CNTN5: variants seen among roughly 807,000 people sequenced by gnomAD.
CNTN5 encodes the protein contactin 5.
In CNTN5, 77 loss-of-function variants were observed where a neutral mutation model predicts 129.1. The observed-to-expected ratio is 0.60, with a 90% confidence interval of 0.50 to 0.72. The LOEUF is 0.72. Ranked by LOEUF, CNTN5 falls within the 30% of genes least tolerant of loss-of-function variation. The probability of loss-of-function intolerance (pLI) is 0.00; values close to 1 mark genes in which losing one functional copy is unlikely to be tolerated. For synonymous variants in CNTN5, 509 were observed against 465.6 expected, an observed-to-expected ratio of 1.09 and a Z score of -1.20; for missense variants, 1,478 against 1,328.8, an observed-to-expected ratio of 1.11 and a Z score of -1.75.
At chr11:99,866,431 A>G (rs752688727) in intron 6 of CNTN5, among the ~76,000 whole-genome samples, 1 of 152,166 alleles carries the variant, frequency 6.6e-6, no homozygotes, top group Non-Finnish European at 1.5e-5. Context: ...TTGCAATACA[A>G]TCTGCAAGAA....
intron 1 of CNTN5, among the ~76,000 whole-genome samples, chr11:99,189,377 A>G (rs1341073368): frequency 6.6e-6 from 1 of 151,672 alleles, no homozygotes; most frequent in Non-Finnish European, 1.5e-5. Context: ...TGTCTTCAAC[A>G]TAATGATTTA....
At position 99,898,414 on chromosome 11, in the gene CNTN5, A is replaced by G. The variant is rs776127825; in HGVS notation, c.578-17640A>G. Reference sequence around the variant, plus strand: ...GATACCAGAAAAACAAAAAAAGATCATCAGAGACTAGTATGATCACCTTGA... The same window carrying G: ...GATACCAGAAAAACAAAAAAAGATCGTCAGAGACTAGTATGATCACCTTGA... On this transcript the variant is annotated intron_variant, in intron 6 of 24. Transcript: ENST00000524871. 7.2e-5 allele frequency among the ~76,000 whole-genome samples: 11 copies of G among 152,146 alleles called. No individual in the cohort carries two copies. The South Asian group carries it at 1.7e-3, about 23-fold the overall frequency.
At chr11:99,484,102 A>G (rs1945712043) in intron 2 of CNTN5, among the ~76,000 whole-genome samples, 1 of 152,206 alleles carries the variant, frequency 6.6e-6, no homozygotes, top group Non-Finnish European at 1.5e-5. Flanking sequence ...GGAAACGGTC[A>G]ATAGAATGAA....
chr11:100,316,147 G>C (rs1029366304), intron 21 of CNTN5, among the ~76,000 whole-genome samples: 2 of 152,310 alleles, frequency 1.3e-5, no homozygotes, highest in Non-Finnish European at 1.5e-5. Context: ...CAAATTCAGA[G>C]AAGATGCCAG....
chr11:100,080,119 T>A lies in CNTN5; in HGVS notation c.1580+5825T>A, dbSNP rs149871696. ...TGTTGTTGAACCTCATAGAATGTCATATATGTTTAAAATTATTCACAATTA... is the reference window on the plus strand; with the variant it reads ...TGTTGTTGAACCTCATAGAATGTCAAATATGTTTAAAATTATTCACAATTA... On this transcript the variant is annotated intron_variant, in intron 13 of 24. Coordinates refer to ENST00000524871, the MANE Select transcript of CNTN5 (RefSeq NM_014361.4). Among the ~76,000 whole-genome samples the A allele has an allele frequency of 9.2e-3, 1,400 of 152,312 alleles. 12 individuals are homozygous for A. Among genetic ancestry groups the A allele is most frequent in the South Asian group, 0.013 (63 of 4,832 alleles).
At chr11:99,720,279 A>G (rs917535744) in intron 3 of CNTN5, among the ~76,000 whole-genome samples, 2 of 152,166 alleles carry the variant, frequency 1.3e-5, no homozygotes, top group Admixed American at 1.3e-4. Flanking sequence ...AAAATCCTCA[A>G]CAAAATACTT....
chr11:99,551,934 G>C (rs181747724), intron 2 of CNTN5, among the ~76,000 whole-genome samples: 2 of 147,882 alleles, frequency 1.4e-5, no homozygotes, highest in Admixed American at 1.4e-4. Flanking sequence ...TTGAGACAGA[G>C]TCTCACTCCA....
intron 3 of CNTN5, among the ~76,000 whole-genome samples, chr11:99,580,041 G>GC (rs934311793): frequency 0.013 from 23 of 1,758 alleles, no homozygotes; most frequent in Non-Finnish European, 0.021. Flanking sequence ...TTAGCATGAA[G>GC]GTTGTTGAAT....
intron 1 of CNTN5, among the ~76,000 whole-genome samples, chr11:99,277,959 A>G (rs756303309): frequency 1.3e-4 from 20 of 151,740 alleles, no homozygotes; most frequent in Non-Finnish European, 2.7e-4. Flanking sequence ...GGAAGTTCTG[A>G]TTATTGAGGT....
chr11:99,232,403 C>T (rs564363859), intron 1 of CNTN5, among the ~76,000 whole-genome samples: 1 of 152,084 alleles, frequency 6.6e-6, no homozygotes, highest in Non-Finnish European at 1.5e-5. Flanking sequence ...ATTTTATTCT[C>T]TTTGCAGTAA....
intron 13 of CNTN5, among the ~76,000 whole-genome samples, chr11:100,170,021 C>T (rs180774843): frequency 2.0e-3 from 308 of 152,030 alleles, no homozygotes; most frequent in African/African-American, 7.0e-3. Flanking sequence ...TATGAAAATA[C>T]TTCCCCCAAC....
At chr11:99,674,309 T>TC (rs1349545701) in intron 3 of CNTN5, among the ~76,000 whole-genome samples, 2 of 148,926 alleles carry the variant, frequency 1.3e-5, no homozygotes, top group Non-Finnish European at 3.0e-5. Context: ...TGGTTTTTTT[T>TC]TCTTGTAAAC....
At chr11:99,155,954 A>G (rs1247914073) in intron 1 of CNTN5, among the ~76,000 whole-genome samples, 1 of 152,160 alleles carries the variant, frequency 6.6e-6, no homozygotes. Context: ...ACAATAATTA[A>G]TAATACAAGC....
chr11:99,432,025 A>G (rs1232722996), intron 2 of CNTN5, among the ~76,000 whole-genome samples: 1 of 152,182 alleles, frequency 6.6e-6, no homozygotes, highest in Non-Finnish European at 1.5e-5. Flanking sequence ...CTCTCCAGTA[A>G]GTCCGCACTT....
At chr11:99,923,805 A>ATCTATCTATCTATCTG (rs1457117946) in intron 7 of CNTN5, among the ~76,000 whole-genome samples, 1 of 150,296 alleles carries the variant, frequency 6.7e-6, no homozygotes, top group South Asian at 2.1e-4. Context: ...CTATCTATCT[A>ATCTATCTATCTATCTG]TCTGACAGAG....
intron 18 of CNTN5, 139 bp from the exon 19 acceptor site, chr11:100,297,486 G>A: frequency 1.5e-6 from 1 of 681,450 alleles, no homozygotes; most frequent in Non-Finnish European, 2.7e-6. Flanking sequence ...AAAGCAGGGT[G>A]TTTCTGTCAC....
chr11:99,173,539 T>G (rs1430813247), intron 1 of CNTN5, among the ~76,000 whole-genome samples: 3 of 152,150 alleles, frequency 2.0e-5, no homozygotes, highest in Non-Finnish European at 2.9e-5. Flanking sequence ...AACGTAATGG[T>G]TATAAGGCAG....
intron 15 of CNTN5, among the ~76,000 whole-genome samples, chr11:100,220,596 A>G (rs1358184927): frequency 2.6e-5 from 4 of 152,180 alleles, no homozygotes; most frequent in African/African-American, 9.6e-5. Context: ...ATACCAATTT[A>G]AAAACCTTCC....
intron 13 of CNTN5, among the ~76,000 whole-genome samples, chr11:100,094,776 GGA>G (rs1491418184): frequency 8.2e-6 from 1 of 122,210 alleles, no homozygotes; most frequent in Non-Finnish European, 1.6e-5. Context: ...AAGGAAGGAA[GGA>G]AGGAAGGAAG....
Sources: gnomAD v4.1 joint callset for allele counts (sites outside exome capture counted in the v4.1 genomes callset) on GRCh38, gnomAD v4.1.1 for gene constraint, MANE v1.5 for transcripts, NCBI Gene and HGNC (gene_info 2026-07-23, HGNC 2026-07-21) for gene names.